Variants in WDR72 observed in about 807,000 individuals in gnomAD.
WDR72 encodes WD repeat domain 72.
A neutral mutation model predicts 124.2 loss-of-function variants in WDR72; 120 were observed. The ratio of observed to expected loss-of-function variants is 0.97; its 90% CI spans 0.83 to 1.12. The LOEUF (loss-of-function observed/expected upper bound fraction) is 1.12. WDR72 is among the 50% of genes most tolerant of loss of function. WDR72 has a pLI of 0.00. For synonymous variants in WDR72, 452 were observed against 441.7 expected, an observed-to-expected ratio of 1.02 and a Z score of -0.29; for missense variants, 1,387 against 1,278.8, an observed-to-expected ratio of 1.08 and a Z score of -1.29.
At position 53,642,909 on chromosome 15, in the gene WDR72, A is replaced by C. The variant is rs559603026; in HGVS notation, c.1962+22663T>G. ...GAGGGCTGTTTACCATTGGGATCCA[A>C]CTTATTCTGGGAACTGTGTTACCTC... On this transcript the variant is annotated intron_variant, in intron 14 of 19. Coordinates refer to ENST00000360509, the MANE Select transcript of WDR72 (RefSeq NM_182758.4). Among the ~76,000 whole-genome samples, 142 of 152,096 alleles carry C rather than the reference A, an allele frequency of 9.3e-4. 6 individuals carry two copies. The South Asian group carries it at 0.029, about 31-fold the overall frequency.
chr15:53,597,434 G>A (rs557371550), intron 17 of WDR72, among the ~76,000 whole-genome samples, 160 bp from the exon 18 acceptor site: 1 of 152,262 alleles, frequency 6.6e-6, no homozygotes, highest in South Asian at 2.1e-4. Flanking sequence ...TGAAATGTGG[G>A]TAGCAACAAC....
rs1201726023 is a variant in WDR72, at chr15:53,715,294, A to G, written c.413T>C (p.Ile138Thr). The change falls in exon 5 of 20, where the codon ATA becomes ACA. Residue 138 changes from isoleucine (I) to threonine (T), a missense_variant. Ile to Thr is a moderately conservative substitution (Grantham distance 89). Transcript: ENST00000360509. The part of the protein sequence containing the change: ...LCCGEYQDVL[I>T]IDAKTLAVVH... Reference sequence around the variant, plus strand: ...AACAGCCAAAGTTTTGGCATCAATTATAAGGACATCTTGATATTCTCCACA... The same window carrying G: ...AACAGCCAAAGTTTTGGCATCAATTGTAAGGACATCTTGATATTCTCCACA... 2.5e-6 allele frequency: 4 copies of G among 1,614,178 alleles called. No homozygotes were observed. Among genetic ancestry groups the G allele is most frequent in the Non-Finnish European group, 2.5e-6 (3 of 1,180,010 alleles).
intron 14 of WDR72, among the ~76,000 whole-genome samples, chr15:53,641,010 A>C (rs1566999134): frequency 6.6e-6 from 1 of 151,256 alleles, no homozygotes; most frequent in East Asian, 1.9e-4. Context: ...CATTTTTTTC[A>C]TTTTTTTCTG....
At chr15:53,536,052 G>C (rs1261116510) in intron 18 of WDR72, among the ~76,000 whole-genome samples, 1 of 152,192 alleles carries the variant, frequency 6.6e-6, no homozygotes, top group Non-Finnish European at 1.5e-5. Flanking sequence ...ACAGATTGAG[G>C]AGTAGGTGCA....
chr15:53,602,199 C>T (rs1458643848), intron 17 of WDR72, among the ~76,000 whole-genome samples: 1 of 152,098 alleles, frequency 6.6e-6, no homozygotes, highest in Non-Finnish European at 1.5e-5. Flanking sequence ...CAAAACCATA[C>T]AATTACATGG....
At chr15:53,635,963 G>C (rs1451195525) in intron 14 of WDR72, among the ~76,000 whole-genome samples, 1 of 152,140 alleles carries the variant, frequency 6.6e-6, no homozygotes, top group Non-Finnish European at 1.5e-5. Flanking sequence ...TGTTTCTTAA[G>C]GAAAATAACA....
intron 13 of WDR72, among the ~76,000 whole-genome samples, chr15:53,682,311 G>T (rs1271433489): frequency 6.6e-6 from 1 of 151,574 alleles, no homozygotes. Flanking sequence ...TGGTGGGCCT[G>T]TGGGGTGGGA....
chr15:53,686,908 C>T (rs1039230741), intron 13 of WDR72, among the ~76,000 whole-genome samples: 4 of 151,762 alleles, frequency 2.6e-5, no homozygotes, highest in African/African-American at 9.7e-5. Context: ...TTAAGAATCT[C>T]ACTCAAAACC....
At chr15:53,716,772 A>ACTTAAGTGCT in intron 3 of WDR72, 87 bp from the exon 4 acceptor site, 1 of 416,198 alleles carries the variant, frequency 2.4e-6, no homozygotes, top group African/African-American at 2.6e-5. Flanking sequence ...TTTCTTTAGC[A>ACTTAAGTGCT]GCCTGATCAT....
In WDR72 at chr15:53,591,585, T is replaced by A. The variant is rs905265746; in HGVS notation, c.3148+5494A>T. Among the ~76,000 whole-genome samples, 7 of 152,066 alleles carry A rather than the reference T, an allele frequency of 4.6e-5. No individual in the cohort carries two copies. The East Asian group carries it at 1.4e-3, about 30-fold the overall frequency. ...GCTTATAAATGCTTGTACACGCTAT[T>A]AGCATATCAACATTATGTCCATTAT... On this transcript the variant is annotated intron_variant, in intron 18 of 19. Coordinates refer to ENST00000360509, the MANE Select transcript of WDR72 (RefSeq NM_182758.4).
chr15:53,700,808 G>C (rs1361018048), intron 12 of WDR72, among the ~76,000 whole-genome samples: 3 of 152,114 alleles, frequency 2.0e-5, no homozygotes, highest in Non-Finnish European at 4.4e-5. Context: ...GATAGATCTG[G>C]AGCCTAGACT....
intron 18 of WDR72, among the ~76,000 whole-genome samples, chr15:53,568,072 GT>G (rs66751840): frequency 0.8 from 110,428 of 137,994 alleles, 44,526 homozygotes; most frequent in East Asian, 0.87. Flanking sequence ...TTTTTGTCTT[GT>G]TTTTTTTTTT....
At chr15:53,693,132 G>A (rs931390745) in intron 13 of WDR72, among the ~76,000 whole-genome samples, 2 of 152,132 alleles carry the variant, frequency 1.3e-5, no homozygotes, top group African/African-American at 2.4e-5. Context: ...TCTACAAAGC[G>A]GTGACCTTGA....
chr15:53,645,939 G>A lies in WDR72; in HGVS notation c.1962+19633C>T, dbSNP rs1232547640. Among the ~76,000 whole-genome samples the A allele has an allele frequency of 2.0e-5, 3 of 152,098 alleles. No individual in the cohort carries two copies. In the East Asian group the frequency reaches 5.8e-4, roughly 29 times the overall value. On this transcript the variant is annotated intron_variant, in intron 14 of 19. Coordinates refer to ENST00000360509, the MANE Select transcript of WDR72 (RefSeq NM_182758.4). ...ACCAGGCTACTTTTTAGAGTGAAATGGTGCATTATTAACAATTACCTTTAA... is the reference window on the plus strand; with the variant it reads ...ACCAGGCTACTTTTTAGAGTGAAATAGTGCATTATTAACAATTACCTTTAA...
At chr15:53,691,562 T>C (rs968525002) in intron 13 of WDR72, among the ~76,000 whole-genome samples, 3 of 151,918 alleles carry the variant, frequency 2.0e-5, no homozygotes, top group Admixed American at 2.0e-4. Context: ...CTTTCGTTGC[T>C]CAGGTTTCTT....
intron 18 of WDR72, among the ~76,000 whole-genome samples, chr15:53,533,531 A>G (rs544271254): frequency 6.6e-6 from 1 of 152,226 alleles, no homozygotes; most frequent in South Asian, 2.1e-4. Flanking sequence ...CTAAGTAGAA[A>G]ACCCACAAGG....
At chr15:53,630,210 GTAGT>G (rs1220238686) in intron 14 of WDR72, among the ~76,000 whole-genome samples, 1 of 152,162 alleles carries the variant, frequency 6.6e-6, no homozygotes, top group African/African-American at 2.4e-5. Flanking sequence ...AATTGAATTA[GTAGT>G]TAAACATCCT....
At chr15:53,560,487 C>T (rs902531366) in intron 18 of WDR72, among the ~76,000 whole-genome samples, 13 of 151,728 alleles carry the variant, frequency 8.6e-5, no homozygotes, top group African/African-American at 3.1e-4. Context: ...CCATGGCGAC[C>T]CACCCCTTCC....
chr15:53,599,905 G>C (rs535470040), intron 17 of WDR72, among the ~76,000 whole-genome samples: 1 of 152,084 alleles, frequency 6.6e-6, no homozygotes, highest in Admixed American at 6.6e-5. Flanking sequence ...CATATTATAA[G>C]AATAATGATA....
Sources: gnomAD v4.1 joint callset for allele counts (sites outside exome capture counted in the v4.1 genomes callset) on GRCh38, gnomAD v4.1.1 for gene constraint, MANE v1.5 for transcripts, NCBI Gene and HGNC (gene_info 2026-07-23, HGNC 2026-07-21) for gene names.